Variants in MIA2 observed in about 807,000 individuals in gnomAD.
MIA2 encodes melanoma inhibitory activity protein 2.
MIA2 carries 127 observed loss-of-function variants against 167.8 expected under a neutral mutation model. The observed-to-expected ratio is 0.76, with a 90% confidence interval of 0.66 to 0.88. The LOEUF is 0.88. Ranked by LOEUF, MIA2 falls within the 40% of genes least tolerant of loss-of-function variation. The pLI is 0.00. For missense variants in MIA2, 1,690 were observed against 1,624.7 expected (o/e 1.04, Z -0.69); for synonymous variants, 552 against 541.9 (o/e 1.02, Z -0.26).
intron 23 of MIA2, among the ~76,000 whole-genome samples, chr14:39,382,953 GT>G (rs10689511): frequency 0.015 from 1,126 of 75,030 alleles, 10 homozygotes; most frequent in African/African-American, 0.053. Context: ...TATGGCCACA[GT>G]TTTTTTTTTT....
At chr14:39,349,933 T>A (rs2074172460) in intron 28 of MIA2, among the ~76,000 whole-genome samples, 165 bp from the exon 29 acceptor site, 1 of 152,132 alleles carries the variant, frequency 6.6e-6, no homozygotes, top group African/African-American at 2.4e-5. Flanking sequence ...TTTGAAGAGG[T>A]ACGTTTTTCT....
chr14:39,293,494 A>C, intron 11 of MIA2, 113 bp downstream of exon 11: 1 of 775,868 alleles, frequency 1.3e-6, no homozygotes, highest in South Asian at 2.3e-5. Context: ...TAAAGAATAC[A>C]GGTGGTTGTA....
At chr14:39,298,621 G>C (rs2061885464) in intron 13 of MIA2, among the ~76,000 whole-genome samples, 2 of 141,064 alleles carry the variant, frequency 1.4e-5, no homozygotes, top group African/African-American at 5.2e-5. Context: ...GAGTCAGCCA[G>C]AACAGAGTTT....
chr14:39,306,105 T>C (rs2063303565), intron 17 of MIA2, among the ~76,000 whole-genome samples: 1 of 152,200 alleles, frequency 6.6e-6, no homozygotes, highest in Non-Finnish European at 1.5e-5. Context: ...TCAATGAATT[T>C]TTTTTTTTCT....
downstream of MIA2, among the ~76,000 whole-genome samples, chr14:39,354,072 A>C (rs952875900): frequency 1.3e-5 from 2 of 152,232 alleles, no homozygotes; most frequent in Admixed American, 6.5e-5. Flanking sequence ...TCCTTTGGGT[A>C]TATACCCAGT....
chr14:39,327,499 A>G (rs559149797), intron 25 of MIA2, among the ~76,000 whole-genome samples: 2 of 152,206 alleles, frequency 1.3e-5, no homozygotes, highest in African/African-American at 4.8e-5. Flanking sequence ...ATTTTATCTC[A>G]CCAAAATAAA....
intron 23 of MIA2, among the ~76,000 whole-genome samples, chr14:39,362,334 G>A (rs1217738867): frequency 1.3e-5 from 2 of 151,796 alleles, no homozygotes; most frequent in East Asian, 3.9e-4. Context: ...TCTCTGTTTG[G>A]AGACTTTTTA....
intron 24 of MIA2, among the ~76,000 whole-genome samples, chr14:39,321,824 G>T (rs1009270515): frequency 8.7e-5 from 13 of 149,812 alleles, no homozygotes; most frequent in Non-Finnish European, 1.5e-4. Context: ...GCAGTGGCGC[G>T]ATCTCGGCTC....
chr14:39,346,769 A>G (rs1436014826), intron 26 of MIA2: 2 of 167,648 alleles, frequency 1.2e-5, no homozygotes, highest in African/African-American at 4.8e-5. Context: ...GTGCACCACC[A>G]CACATGGCTA....
At chr14:39,316,190 C>A (rs78403348) in intron 21 of MIA2, among the ~76,000 whole-genome samples, 4,753 of 152,262 alleles carry the variant, frequency 0.031, 269 homozygotes, top group African/African-American at 0.11. Context: ...AAAGGGTCAT[C>A]ATGAGAAATA....
intron 25 of MIA2, among the ~76,000 whole-genome samples, chr14:39,332,367 C>A (rs914824802): frequency 6.6e-6 from 1 of 152,112 alleles, no homozygotes; most frequent in Non-Finnish European, 1.5e-5. Flanking sequence ...ATGTTCTTAG[C>A]TTCCTTGCAT....
At chr14:39,277,421 G>C (rs2058163919) in intron 7 of MIA2, among the ~76,000 whole-genome samples, 1 of 151,672 alleles carries the variant, frequency 6.6e-6, no homozygotes, top group Non-Finnish European at 1.5e-5. Flanking sequence ...GGCTACTCAG[G>C]AGGCTGAGGT....
In MIA2 at chr14:39,325,821, C is replaced by T. The variant is rs139106916; in HGVS notation, c.3497-1043C>T. The stretch of plus-strand genomic sequence containing the variant: ...CTCCACCTCCTGAGTTCAAGCCATT[C>T]TTCTGCCTCAGCCTCCCTAGTAGCT... On this transcript the variant is annotated intron_variant, in intron 24 of 28. Transcript: ENST00000640607. Among the ~76,000 whole-genome samples the T allele has an allele frequency of 8.9e-3, 1,359 of 152,100 alleles. 20 individuals carry two copies. The highest frequency in any genetic ancestry group is 0.031 in the African/African-American group (1,294 of 41,460).
rs549000173 is a variant in MIA2, at chr14:39,345,935, A to G, written c.3687A>G (p.Pro1229=). The change falls in exon 26 of 29, where the codon CCA becomes CCG. Residue 1229 remains proline, a synonymous_variant. Transcript: ENST00000640607. ...CATATCCTGATTCAGCCCTTCCTCC[A>G]CAAAGGCAAGACAGATTTTGTTCTA... ...GQSYPDSALP[P]QRQDRFCSNS... 3 of 1,612,160 alleles carry G rather than the reference A, an allele frequency of 1.9e-6. No homozygotes were observed. The highest frequency in any genetic ancestry group is 3.3e-5 in the Admixed American group (2 of 59,992).
chr14:39,366,777 C>A (rs564726130), intron 23 of MIA2, among the ~76,000 whole-genome samples: 2 of 152,274 alleles, frequency 1.3e-5, no homozygotes, highest in Admixed American at 1.3e-4. Context: ...GAGAGCCCAT[C>A]CTCAGGGCAC....
intron 6 of MIA2, chr14:39,265,489 C>G: frequency 1.6e-6 from 2 of 1,263,170 alleles, no homozygotes; most frequent in South Asian, 2.6e-5. Flanking sequence ...GTTTGTTAAG[C>G]TTTACTGTGT....
rs563518682 is a variant in MIA2 at position 39,363,545 on chromosome 14, A to G, written c.2248+14568A>G. ...CCCTGTCTCAAATAAAAAAAATCTG[A>G]TGTTTCTTTGTTAATTTTCTGTCTG... On this transcript the variant is annotated intron_variant, in intron 23 of 23. Transcript: ENST00000341502. Among the ~76,000 whole-genome samples the G allele has an allele frequency of 2.6e-5, 4 of 152,098 alleles. No homozygotes were observed. The South Asian group carries it at 8.3e-4, about 32-fold the overall frequency.
chr14:39,288,326 T>C (rs2060092408), intron 9 of MIA2, among the ~76,000 whole-genome samples: 1 of 150,930 alleles, frequency 6.6e-6, no homozygotes, highest in Admixed American at 6.6e-5. Flanking sequence ...TGTTCAACTT[T>C]GTTGAATGTT....
chr14:39,268,899 G>T (rs1034300471), intron 6 of MIA2: 1 of 611,676 alleles, frequency 1.6e-6, no homozygotes, highest in Non-Finnish European at 2.0e-6. Context: ...ATTCATGGAG[G>T]TAGGGTTTTT....
Sources: gnomAD v4.1 joint callset for allele counts (sites outside exome capture counted in the v4.1 genomes callset) on GRCh38, gnomAD v4.1.1 for gene constraint, MANE v1.5 for transcripts, NCBI Gene and HGNC (gene_info 2026-07-23, HGNC 2026-07-21) for gene names.